The following LAYN variants were observed in gnomAD, a reference collection of about 807,000 sequenced individuals.
The protein encoded by LAYN is layilin.
LAYN carries 38 observed loss-of-function variants against 43.6 expected under a neutral mutation model. The ratio of observed to expected loss-of-function variants is 0.87; its 90% confidence interval spans 0.67 to 1.14. The LOEUF is 1.14. Among genes scored for constraint, LAYN ranks in the 50% most tolerant of loss-of-function variants. LAYN has a pLI of 0.00. For missense variants in LAYN, 479 were observed against 463.8 expected, an observed-to-expected ratio of 1.03 and a Z score of -0.30; for synonymous variants, 168 against 172.9, an observed-to-expected ratio of 0.97 and a Z score of 0.22.
At chr11:111,546,075 T>A (rs2135792747) in intron 2 of LAYN, among the ~76,000 whole-genome samples, 1 of 152,334 alleles carries the variant, frequency 6.6e-6, no homozygotes, top group Middle Eastern at 3.4e-3. Flanking sequence ...TTAGTATCTA[T>A]TGTACTAGCA....
rs1012351783 is a variant in LAYN, at chr11:111,541,012, A to G, written c.85+84A>G. On this transcript the variant is annotated intron_variant, in intron 1 of 6. Transcript: ENST00000375614. ...GCTGCTGACCCTCTTCTGGGTCGCC[A>G]CGTATGGGACTAGAAGGCCGTCCCA... 4.6e-6 allele frequency: 6 copies of G among 1,297,522 alleles called. No individual in the cohort carries two copies. In the African/African-American group the frequency reaches 8.9e-5, roughly 19 times the overall value. 80.4% of individuals were successfully genotyped at this position (1,297,522 alleles called of 1,614,324 possible).
chr11:111,560,256 G>A lies in LAYN; in HGVS notation c.923G>A (p.Arg308Gln), dbSNP rs754537779. ...CCAGACCTGAAGAATATTTCATTCC[G>A]AGTGTGTTCGGGAGAAGCCACTCCC... ...TRPDLKNISF[R>Q]VCSGEATPDD... The change falls in exon 7 of 7, where the codon CGA becomes CAA. Residue 308 changes from arginine (R) to glutamine (Q), a missense_variant. Physicochemically the swap from Arg to Gln is conservative, Grantham distance 43. Transcript: ENST00000375614. 43 of 1,614,056 alleles carry A rather than the reference G, an allele frequency of 2.7e-5. No homozygotes were observed. The highest frequency in any genetic ancestry group is 2.4e-4 in the South Asian group (22 of 91,086).
At chr11:111,551,384 T>G (rs1428881853) in intron 3 of LAYN, 1 of 456,190 alleles carries the variant, frequency 2.2e-6, no homozygotes, top group Admixed American at 2.3e-5. Context: ...TTGAAACAGT[T>G]TATAGACCTC....
chr11:111,542,085 G>A (rs987927839), intron 1 of LAYN, among the ~76,000 whole-genome samples: 1 of 152,220 alleles, frequency 6.6e-6, no homozygotes, highest in Non-Finnish European at 1.5e-5. Context: ...GGGGTTGTCA[G>A]GAAATTCAAC....
At chr11:111,548,687 C>T (rs1207509809) in intron 2 of LAYN, among the ~76,000 whole-genome samples, 1 of 152,208 alleles carries the variant, frequency 6.6e-6, no homozygotes, top group Non-Finnish European at 1.5e-5. Context: ...CTTGCTGTCT[C>T]TTTCCTGAAG....
intron 3 of LAYN, among the ~76,000 whole-genome samples, chr11:111,550,130 A>G (rs1444982832): frequency 6.6e-6 from 1 of 152,224 alleles, no homozygotes; most frequent in Non-Finnish European, 1.5e-5. Flanking sequence ...GGGGCTTAGA[A>G]TAAGCTGGCC....
chr11:111,541,529 C>T, intron 1 of LAYN: 4 of 1,535,468 alleles, frequency 2.6e-6, no homozygotes. Flanking sequence ...GGGAATGACT[C>T]TCTGCTTCCT....
chr11:111,549,535 T>G, intron 2 of LAYN, 83 bp from the exon 3 acceptor site: 12 of 1,208,822 alleles, frequency 9.9e-6, no homozygotes, highest in Non-Finnish European at 1.1e-5. Flanking sequence ...TATGGCTCAG[T>G]GAGACTTGAC....
At chr11:111,554,737 C>T (rs1447064405) in intron 4 of LAYN, 144 bp downstream of exon 4, 5 of 657,748 alleles carry the variant, frequency 7.6e-6, no homozygotes, top group Non-Finnish European at 1.3e-5. Context: ...AGGTATACAC[C>T]ACACCCAGCC....
At position 111,540,794 on chromosome 11, in the gene LAYN, G is replaced by A; in HGVS notation, c.-50G>A. On this transcript the variant is annotated 5_prime_UTR_variant, in exon 1 of 7. Coordinates refer to ENST00000375614, the MANE Select transcript of LAYN (RefSeq NM_178834.5). ...CGCGCACGCCTCTGCCCGCCAGCCC[G>A]CTCCACCGCCGTAGCGCCCGAGTGT... 1.3e-6 allele frequency: 2 copies of A among 1,495,362 alleles called. No homozygotes were observed. Among genetic ancestry groups the A allele is most frequent in the Admixed American group, 2.1e-5 (1 of 48,070 alleles). 92.6% of individuals were successfully genotyped at this position (1,495,362 alleles called of 1,614,324 possible).
At chr11:111,541,390 T>G in intron 1 of LAYN, 1 of 657,716 alleles carries the variant, frequency 1.5e-6, no homozygotes, top group South Asian at 1.8e-5. Context: ...CCCGGTGCCG[T>G]GGGAACCCTG....
chr11:111,560,310 T>G lies in LAYN; in HGVS notation c.977T>G (p.Met326Arg). ...GACATGTCTTGTGACTATGACAACA[T>G]GGCTGTGAACCCATCAGAAAGTGGG... The part of the protein sequence containing the change: ...PDDMSCDYDN[M>R]AVNPSESGFV... The change falls in exon 7 of 7, where the codon ATG becomes AGG. Residue 326 changes from methionine to arginine, a missense_variant. Met to Arg is a moderately conservative substitution (Grantham distance 91). Transcript: ENST00000375614. 2 of 1,614,150 alleles carry G rather than the reference T, an allele frequency of 1.2e-6. No homozygotes were observed. Among genetic ancestry groups the G allele is most frequent in the Non-Finnish European group, 8.5e-7 (1 of 1,180,020 alleles).
At chr11:111,556,096 G>A (rs931428127) in intron 5 of LAYN, among the ~76,000 whole-genome samples, 2 of 152,144 alleles carry the variant, frequency 1.3e-5, no homozygotes, top group South Asian at 4.1e-4. Flanking sequence ...ATCCAGGAGT[G>A]CCCATGATCC....
rs946396546 is a variant in LAYN at position 111,555,081 on chromosome 11, G to C, written c.575-126G>C. ...CAAATTCAACCCTTTACTTTTCTAC[G>C]TTTATAGATGGTGCTGGCAAAATTT... On this transcript the variant is annotated intron_variant, in intron 4 of 6. Transcript: ENST00000375614. The C allele has an allele frequency of 5.9e-6, 4 of 674,082 alleles. No homozygotes were observed. In the Admixed American group the frequency reaches 1.1e-4, roughly 18 times the overall value. The allele number at this position is 674,082 out of a possible 1,614,324, so 41.8% of individuals were successfully genotyped here. A position where few individuals can be genotyped will look rare whatever the true frequency, so the allele number is the denominator to read the frequency against.
chr11:111,554,070 C>T (rs1363713651), intron 3 of LAYN, among the ~76,000 whole-genome samples: 1 of 152,146 alleles, frequency 6.6e-6, no homozygotes, highest in Non-Finnish European at 1.5e-5. Flanking sequence ...TCTACTGAGC[C>T]CCTAAACCAC....
rs773852200 is a variant in LAYN at position 111,560,459 on chromosome 11, G to A, written c.*1G>A. The A allele has an allele frequency of 6.3e-7, 1 of 1,594,110 alleles. No individual in the cohort carries two copies. The highest frequency in any genetic ancestry group is 1.4e-5 in the African/African-American group (1 of 73,886). ...GGAAAATGAAATATATGGTTATTAG[G>A]ACATATAAAAAACTGAAACTGACAA... On this transcript the variant is annotated 3_prime_UTR_variant, in exon 7 of 7. Transcript: ENST00000375614.
intron 2 of LAYN, among the ~76,000 whole-genome samples, chr11:111,545,718 C>CAG (rs1867638444): frequency 6.6e-6 from 1 of 152,178 alleles, no homozygotes; most frequent in Non-Finnish European, 1.5e-5. Context: ...CCCAGTGTTG[C>CAG]AGAGACAAGA....
rs36063658 is a variant in LAYN, at chr11:111,545,055, A to AATATATATATAT, written c.383+844_383+855dup. On this transcript the variant is annotated intron_variant, in intron 2 of 6. Transcript: ENST00000375614. The stretch of plus-strand genomic sequence containing the variant: ...CTATGTACCCCCCCAAAATTTAACA[A>AATATATATATAT]ATATATATATATATATATATTTTTT... Among the ~76,000 whole-genome samples the AATATATATATAT allele has an allele frequency of 4.0e-3, 330 of 82,514 alleles. 1 individual carries two copies. The highest frequency in any genetic ancestry group is 0.01 in the African/African-American group (317 of 31,202). The allele number at this position is 82,514 out of a possible 152,430, so 54.1% of individuals were successfully genotyped here. A position where few individuals can be genotyped will look rare whatever the true frequency, so the allele number is the denominator to read the frequency against.
At chr11:111,543,145 G>T (rs148861142) in intron 1 of LAYN, among the ~76,000 whole-genome samples, 3 of 152,280 alleles carry the variant, frequency 2.0e-5, no homozygotes, top group Admixed American at 6.5e-5. Context: ...TTAGATCTGG[G>T]CTCTAACTCC....
Sources: gnomAD v4.1 joint callset for allele counts (sites outside exome capture counted in the v4.1 genomes callset) on GRCh38, gnomAD v4.1.1 for gene constraint, MANE v1.5 for transcripts, NCBI Gene and HGNC (gene_info 2026-07-23, HGNC 2026-07-21) for gene names.